The following E4F1 variants were observed in gnomAD, a reference collection of about 807,000 sequenced individuals.
E4F1 encodes E4F transcription factor 1.
E4F1 carries 30 observed loss-of-function variants against 72.9 expected under a neutral mutation model. The ratio of observed to expected loss-of-function variants is 0.41; its 90% CI spans 0.31 to 0.56. The LOEUF is 0.56. Ranked by LOEUF, E4F1 falls within the 20% of genes least tolerant of loss-of-function variation. The probability of loss-of-function intolerance (pLI) is 0.25; values close to 1 mark genes in which losing one functional copy is unlikely to be tolerated. For missense variants in E4F1, 1,091 were observed against 1,117.5 expected (o/e 0.98, Z 0.34); for synonymous variants, 542 against 478.2 (o/e 1.13, Z -1.74).
In E4F1 at chr16:2,234,176, A is replaced by G; in HGVS notation, c.1381A>G (p.Arg461Gly). 1 of 1,611,606 alleles carries G rather than the reference A, an allele frequency of 6.2e-7. No homozygotes were observed. Among genetic ancestry groups the G allele is most frequent in the East Asian group, 2.2e-5 (1 of 44,872 alleles). Residue 461 changes from arginine to glycine, a missense_variant, in exon 10 of 14, where the codon AGG becomes GGG. Arg to Gly is a moderately radical substitution (Grantham distance 125, BLOSUM62 -2). Transcript: ENST00000301727. ...GATGCTGTGTGTGGCTGCAGGGCCG[A>G]GGCCGTTCGCCTGCGCGCAGTGTGG... ...EAHKRGHTGP[R>G]PFACAQCGKA...
At chr16:2,227,204 GTT>G (rs1267043052) in intron 1 of E4F1, among the ~76,000 whole-genome samples, 2 of 151,910 alleles carry the variant, frequency 1.3e-5, no homozygotes, top group African/African-American at 2.4e-5. Flanking sequence ...TTGGCTAAAT[GTT>G]TGTTTTTTGG....
Position 2,223,717 on chromosome 16 carries a change from C to T in E4F1, c.104C>T (p.Ala35Val), listed in dbSNP as rs2093412846. Residue 35 changes from alanine to valine, a missense_variant, in exon 1 of 14, where the codon GCG (alanine) becomes GTG (valine). Coordinates refer to ENST00000301727, the MANE Select transcript of E4F1 (RefSeq NM_004424.5). ...AGEGAVAAVA[A>V]ALAPSGFLGL... is the part of the protein sequence containing the mutation. The stretch of plus-strand genomic sequence containing the variant: ...GAGGGTGCAGTTGCGGCGGTGGCGG[C>T]GGCCTTGGCCCCCAGCGGCTTCCTC... 6.4e-7 allele frequency: 1 copy of T among 1,552,442 alleles called. No homozygotes were observed. Among genetic ancestry groups the T allele is most frequent in the Non-Finnish European group, 8.6e-7 (1 of 1,160,340 alleles).
intron 3 of E4F1, chr16:2,231,903 T>C (rs1054387923): frequency 6.4e-6 from 3 of 469,734 alleles, no homozygotes; most frequent in African/African-American, 6.0e-5. Context: ...CTGTGCTCCA[T>C]GGTGGGTCTC....
Position 2,223,752 on chromosome 16 carries a change from G to T in E4F1, c.139G>T (p.Ala47Ser). The T allele has an allele frequency of 2.0e-6, 3 of 1,530,758 alleles. No homozygotes were observed. Among genetic ancestry groups the T allele is most frequent in the Non-Finnish European group, 2.6e-6 (3 of 1,150,242 alleles). 94.8% of individuals were successfully genotyped at this position (1,530,758 alleles called of 1,614,324 possible). A position where few individuals can be genotyped will look rare whatever the true frequency, so the allele number is the denominator to read the frequency against. Reference protein sequence around the residue: ...LAPSGFLGLPAPFSEEDEDDV... With the variant: ...LAPSGFLGLPSPFSEEDEDDV... ...CCCCAGCGGCTTCCTCGGCCTCCCGGCGCCCTTCAGCGAGGAAGGTAACCG... is the reference window on the plus strand; with the variant it reads ...CCCCAGCGGCTTCCTCGGCCTCCCGTCGCCCTTCAGCGAGGAAGGTAACCG... Residue 47 changes from alanine to serine, a missense_variant, in exon 1 of 14, where the codon GCG becomes TCG. Ala to Ser is a moderately conservative substitution (Grantham distance 99). Transcript: ENST00000301727.
Position 2,228,471 on chromosome 16 carries a change from C to T in E4F1, c.257C>T (p.Pro86Leu), listed in dbSNP as rs747064418. ...ATTCAGAAGGCCTGCCAGCGGGCCC[C>T]TCCGGAGGCCCTGCCTGCCACCCCT... is the stretch of plus-strand genomic sequence containing the variant. ...HKIQKACQRAPPEALPATPAT... is the reference protein window; with the variant it reads ...HKIQKACQRALPEALPATPAT... Residue 86 changes from proline to leucine, a missense_variant, in exon 2 of 14, where the codon CCT (proline) becomes CTT (leucine). Transcript: ENST00000301727. 1.9e-6 allele frequency: 3 copies of T among 1,613,136 alleles called. No individual in the cohort carries two copies.
chr16:2,229,308 C>G (rs1313042761), intron 2 of E4F1, among the ~76,000 whole-genome samples: 3 of 152,256 alleles, frequency 2.0e-5, no homozygotes, highest in Admixed American at 1.3e-4. Flanking sequence ...GCGCCCTGTG[C>G]TCCAGGTCCA....
rs1207604850 is a variant in E4F1, at chr16:2,234,213, C to T, written c.1418C>T (p.Pro473Leu). Residue 473 changes from proline (P) to leucine (L), a missense_variant, in exon 10 of 14, where the codon CCC (proline) becomes CTC (leucine). Pro to Leu is a moderately conservative substitution (Grantham distance 98). Around this residue, in one of 5 missense-constraint regions of E4F1, gnomAD observed 622 missense variants for 628.0 expected, o/e 0.99. Coordinates refer to ENST00000301727, the MANE Select transcript of E4F1 (RefSeq NM_004424.5). ...TGCGCGCAGTGTGGCAAGGCCTTCC[C>T]CAAGGCCTACCTGCTCAAGAAGCAC... ...FACAQCGKAF[P>L]KAYLLKKHQE... 8 of 1,612,720 alleles carry T rather than the reference C, an allele frequency of 5.0e-6. No individual in the cohort carries two copies. The South Asian group carries it at 6.6e-5, about 13-fold the overall frequency.
Position 2,235,585 on chromosome 16 carries a change from G to A in E4F1, c.*13G>A, listed in dbSNP as rs745359999. 18 of 1,571,936 alleles carry A rather than the reference G, an allele frequency of 1.1e-5. No individual in the cohort carries two copies. The highest frequency in any genetic ancestry group is 5.4e-5 in the African/African-American group (4 of 74,228). Reference sequence around the variant, plus strand: ...GGTCATCGTCTAGCATGAGGTCTGCGGGGTCCTGGCCGGGCAGGGACAGGG... The same window carrying A: ...GGTCATCGTCTAGCATGAGGTCTGCAGGGTCCTGGCCGGGCAGGGACAGGG... On this transcript the variant is annotated 3_prime_UTR_variant, in exon 14 of 14. Coordinates refer to ENST00000301727, the MANE Select transcript of E4F1 (RefSeq NM_004424.5).
chr16:2,233,721 TC>T, intron 8 of E4F1, 74 bp downstream of exon 8: 1 of 1,481,414 alleles, frequency 6.8e-7, no homozygotes. Context: ...GGCCTTCGCC[TC>T]CCTGAAGTGG....
chr16:2,230,058 C>T (rs1233025399), intron 3 of E4F1: 16 of 264,314 alleles, frequency 6.1e-5, no homozygotes, highest in Non-Finnish European at 1.2e-4. Flanking sequence ...ATGGCCCACT[C>T]GCCCAGCAGC....
chr16:2,229,641 G>A lies in E4F1; in HGVS notation c.381G>A (p.Leu127=), dbSNP rs981413729. The A allele has an allele frequency of 1.2e-6, 2 of 1,613,036 alleles. No individual in the cohort carries two copies. The highest frequency in any genetic ancestry group is 4.5e-5 in the East Asian group (2 of 44,890). ...VAHIVVEAAS[L]AADISHASDL... ...ACATCGTGGTGGAGGCGGCCTCTCT[G>A]GCAGCAGACATCAGCCACGCATCTG... Residue 127 remains leucine (L), a synonymous_variant, in exon 3 of 14, where the codon CTG becomes CTA. Coordinates refer to ENST00000301727, the MANE Select transcript of E4F1 (RefSeq NM_004424.5).
rs1840887964 is a variant in E4F1, at chr16:2,234,723, C to T, written c.1734C>T (p.Tyr578=). The T allele has an allele frequency of 6.4e-7, 1 of 1,561,446 alleles. No homozygotes were observed. Among genetic ancestry groups the T allele is most frequent in the Non-Finnish European group, 8.7e-7 (1 of 1,153,080 alleles). The part of the protein sequence containing the change: ...HHTGEKPFKC[Y]KCGRGFAEHG... Reference sequence around the variant, plus strand: ...CAGGCGAGAAGCCGTTCAAGTGCTACAAGTGCGGCCGTGGCTTCGCCGAGC... The same window carrying T: ...CAGGCGAGAAGCCGTTCAAGTGCTATAAGTGCGGCCGTGGCTTCGCCGAGC... Residue 578 remains tyrosine, a synonymous_variant, in exon 11 of 14, where the codon TAC becomes TAT. Coordinates refer to ENST00000301727, the MANE Select transcript of E4F1 (RefSeq NM_004424.5).
In E4F1 at chr16:2,235,496, A is replaced by G; in HGVS notation, c.2279A>G (p.Glu760Gly). Residue 760 changes from glutamate (E) to glycine (G), a missense_variant, in exon 14 of 14, where the codon GAG (glutamate) becomes GGG (glycine). Physicochemically the swap from Glu to Gly is moderately conservative, Grantham distance 98. Coordinates refer to ENST00000301727, the MANE Select transcript of E4F1 (RefSeq NM_004424.5). ...TVTMVSSEDI[E>G]ILEHAGELVI... The stretch of plus-strand genomic sequence containing the variant: ...ACCATGGTGTCATCAGAGGACATCG[A>G]GATCCTGGAGCATGCAGGCGAGCTG... 4 of 1,610,556 alleles carry G rather than the reference A, an allele frequency of 2.5e-6. No homozygotes were observed. Among genetic ancestry groups the G allele is most frequent in the Non-Finnish European group, 2.5e-6 (3 of 1,178,244 alleles).
chr16:2,223,881 C>T, intron 1 of E4F1, 111 bp downstream of exon 1: 1 of 1,532,646 alleles, frequency 6.5e-7, no homozygotes, highest in Non-Finnish European at 8.7e-7. Flanking sequence ...CAGACCCAGA[C>T]ACCTCGCGGA....
Position 2,234,898 on chromosome 16 carries a change from A to G in E4F1, c.1832A>G (p.Glu611Gly), listed in dbSNP as rs767394997. The G allele has an allele frequency of 6.5e-5, 101 of 1,551,250 alleles. No homozygotes were observed. Among genetic ancestry groups the G allele is most frequent in the Non-Finnish European group, 8.5e-5 (97 of 1,147,534 alleles). Residue 611 changes from glutamate to glycine, a missense_variant, in exon 12 of 14, where the codon GAG becomes GGG. By Grantham distance (98) the Glu-to-Gly change is moderately conservative. Transcript: ENST00000301727. ...LLEVEELLVS[E>G]DSPAAATTVL... The stretch of plus-strand genomic sequence containing the variant: ...GAGGTGGAGGAGTTGCTGGTGTCTG[A>G]GGACAGCCCCGCGGCAGCCACCACC...
intron 1 of E4F1, among the ~76,000 whole-genome samples, chr16:2,227,766 G>A (rs559034112): frequency 2.0e-5 from 3 of 151,272 alleles, no homozygotes; most frequent in East Asian, 3.9e-4. Context: ...CTCCCAAAGT[G>A]TTGGGATTAC....
In E4F1 at chr16:2,232,555, C is replaced by T. The variant is rs2093474258; in HGVS notation, c.709C>T (p.Arg237Trp). The T allele has an allele frequency of 1.9e-6, 3 of 1,612,168 alleles. No individual in the cohort carries two copies. Among genetic ancestry groups the T allele is most frequent in the Non-Finnish European group, 2.5e-6 (3 of 1,179,690 alleles). ...CTTCCGCACCAAGGGCTCACTCATCCGGCACCACCGGCGGCACACGGGTGA... is the reference window on the plus strand; with the variant it reads ...CTTCCGCACCAAGGGCTCACTCATCTGGCACCACCGGCGGCACACGGGTGA... ...ASFRTKGSLI[R>W]HHRRHTDERP... is the part of the protein sequence containing the mutation. Residue 237 changes from arginine (R) to tryptophan (W), a missense_variant, in exon 5 of 14, where the codon CGG becomes TGG. Arg to Trp is a moderately radical substitution (Grantham distance 101, BLOSUM62 -3). This residue lies in a region of E4F1 where 362 missense variants were observed against 358.6 expected (regional missense o/e 1.01). Coordinates refer to ENST00000301727, the MANE Select transcript of E4F1 (RefSeq NM_004424.5).
At chr16:2,224,042 A>T in intron 1 of E4F1, 3 of 1,242,384 alleles carry the variant, frequency 2.4e-6, no homozygotes, top group Non-Finnish European at 3.2e-6. Flanking sequence ...CGGTGTAGAC[A>T]TTCGCAGACG....
At chr16:2,229,882 C>G in intron 3 of E4F1, 2 of 560,102 alleles carry the variant, frequency 3.6e-6, no homozygotes, top group South Asian at 2.0e-5. Context: ...CCACAGTGGC[C>G]GGGGGCACAC....
Sources: gnomAD v4.1 joint callset for allele counts (sites outside exome capture counted in the v4.1 genomes callset) on GRCh38, gnomAD v4.1.1 for gene constraint, gnomAD v4.1.1 regional missense constraint, MANE v1.5 for transcripts, NCBI Gene and HGNC (gene_info 2026-07-23, HGNC 2026-07-21) for gene names.